The following TCF7L2 variants were observed in gnomAD, a reference collection of about 807,000 sequenced individuals.
The protein encoded by TCF7L2 is transcription factor 7 like 2.
In TCF7L2, 23 loss-of-function variants were observed where a neutral mutation model predicts 77.9. The observed-to-expected ratio is 0.30, with a 90% confidence interval of 0.21 to 0.42. The LOEUF is 0.42. Among genes scored for constraint, TCF7L2 ranks in the 10% least tolerant of loss-of-function variants. TCF7L2 has a pLI of 1.00. For synonymous variants in TCF7L2, 413 were observed against 340.2 expected, an observed-to-expected ratio of 1.21 and a Z score of -2.36; for missense variants, 654 against 793.1, an observed-to-expected ratio of 0.82 and a Z score of 2.11.
intron 5 of TCF7L2, chr10:113,126,730 C>T (rs1024057412): frequency 1.2e-4 from 119 of 985,798 alleles, no homozygotes; most frequent in Middle Eastern, 1.0e-3. Context: ...CTCCCCTGTG[C>T]CGCGGGTGCG....
At chr10:113,027,651 C>T (rs1035205742) in intron 4 of TCF7L2, among the ~76,000 whole-genome samples, 8 of 152,104 alleles carry the variant, frequency 5.3e-5, no homozygotes, top group Middle Eastern at 3.2e-3. Context: ...TTATTGTGCT[C>T]GAAATATCTC....
chr10:113,056,793 T>C (rs558700097), intron 5 of TCF7L2, among the ~76,000 whole-genome samples: 1 of 152,294 alleles, frequency 6.6e-6, no homozygotes, highest in Admixed American at 6.5e-5. Flanking sequence ...TCTGACATGA[T>C]TCATTTGCCA....
chr10:113,079,969 T>C (rs2059155087), intron 5 of TCF7L2, among the ~76,000 whole-genome samples: 1 of 152,028 alleles, frequency 6.6e-6, no homozygotes, highest in Non-Finnish European at 1.5e-5. Context: ...CATCCTTTTA[T>C]TGGTGAGAAG....
intron 4 of TCF7L2, among the ~76,000 whole-genome samples, chr10:113,015,535 C>T (rs555269505): frequency 6.4e-4 from 97 of 151,002 alleles, no homozygotes; most frequent in Admixed American, 2.9e-3. Context: ...CTGCACACAG[C>T]TCACTGCACT....
rs398014821 is a variant in TCF7L2, at chr10:113,107,752, T to TAAAAAAAAAA, written c.553-33417_553-33408dup. The stretch of plus-strand genomic sequence containing the variant: ...CTGGGCGACCGAGCGAGACTCCGTC[T>TAAAAAAAAAA]AAAAAAAAAAAAAAAAAAAAAAAAC... On this transcript the variant is annotated intron_variant, in intron 5 of 13. Coordinates refer to ENST00000627217, the MANE Select transcript of TCF7L2 (RefSeq NM_001146274.2). 8.6e-3 allele frequency among the ~76,000 whole-genome samples: 476 copies of TAAAAAAAAAA among 55,208 alleles called. 34 individuals are homozygous for TAAAAAAAAAA. The highest frequency in any genetic ancestry group is 0.013 in the Non-Finnish European group (373 of 29,298). 36.2% of individuals were successfully genotyped at this position (55,208 alleles called of 152,430 possible).
Position 113,018,444 on chromosome 10 carries a change from CTTTTTTTT to C in TCF7L2, c.451-21563_451-21556del, listed in dbSNP as rs35916053. On this transcript the variant is annotated intron_variant, in intron 4 of 13. Transcript: ENST00000627217. The stretch of plus-strand genomic sequence containing the variant: ...GTCCTTGCAGGCTTTCTCCTGAGTC[CTTTTTTTT>C]TTTTTTTTTTTTTTTTTAAAGACAG... Among the ~76,000 whole-genome samples, 34 of 92,556 alleles carry C rather than the reference CTTTTTTTT, an allele frequency of 3.7e-4. No homozygotes were observed. In the East Asian group the frequency reaches 6.1e-3, roughly 17 times the overall value. The allele number at this position is 92,556 out of a possible 152,430, so 60.7% of individuals were successfully genotyped here.
intron 5 of TCF7L2, among the ~76,000 whole-genome samples, chr10:113,084,078 G>T (rs569506760): frequency 5.3e-5 from 8 of 152,302 alleles, no homozygotes; most frequent in Admixed American, 3.3e-4. Flanking sequence ...TCTTGCTGTG[G>T]AGGAGAAAAT....
chr10:113,114,072 T>C (rs59018176), intron 5 of TCF7L2, among the ~76,000 whole-genome samples: 25 of 152,290 alleles, frequency 1.6e-4, no homozygotes, highest in African/African-American at 5.1e-4. Context: ...CTGTGAACAA[T>C]CCTGGAATTG....
Position 113,165,934 on chromosome 10 carries a change from C to G in TCF7L2, c.1771C>G (p.Pro591Ala), listed in dbSNP as rs759270464. 1.3e-6 allele frequency: 2 copies of G among 1,550,326 alleles called. No homozygotes were observed. Among genetic ancestry groups the G allele is most frequent in the African/African-American group, 2.8e-5 (2 of 72,464 alleles). ...CCACAGCTCCCTGGCCGGGACCCAG[C>G]CCCAGCCGCTGTCGCTCGTCACCAA... The change falls in exon 14 of 14, where the codon CCC becomes GCC. Residue 591 changes from proline to alanine, a missense_variant. Physicochemically the swap from Pro to Ala is conservative, Grantham distance 27. This residue lies in a region of TCF7L2 where 272 missense variants were observed against 215.4 expected (regional missense o/e 1.26). Transcript: ENST00000627217.
chr10:113,051,248 CAT>C (rs200242277), intron 5 of TCF7L2, among the ~76,000 whole-genome samples: 11,529 of 143,226 alleles, frequency 0.08, 536 homozygotes, highest in Non-Finnish European at 0.11. Flanking sequence ...CACACAGACA[CAT>C]ACATATGCAC....
chr10:113,051,224 C>CAA (rs1405051142), intron 5 of TCF7L2, among the ~76,000 whole-genome samples: 2 of 146,754 alleles, frequency 1.4e-5, no homozygotes, highest in Admixed American at 1.4e-4. Flanking sequence ...CACACACACA[C>CAA]ACACACACAC....
rs900555039 is a variant in TCF7L2 at position 112,950,660 on chromosome 10, TTTTTTGGGGGGGCAAAAC to T, written c.-86_-69del. ...TTGGACTCGTCTTTTTCTTGCAATATTTTTTGGGGGGGCAAAACTTTTTGGGGGTGATTTTTTTTGGCT... is the reference window on the plus strand; with the variant it reads ...TTGGACTCGTCTTTTTCTTGCAATATTTTTTGGGGGTGATTTTTTTTGGCT... On this transcript the variant is annotated 5_prime_UTR_variant, in exon 1 of 14. Transcript: ENST00000627217. 5 of 1,402,890 alleles carry T rather than the reference TTTTTTGGGGGGGCAAAAC, an allele frequency of 3.6e-6. No individual in the cohort carries two copies. The African/African-American group carries it at 6.0e-5, about 17-fold the overall frequency. 86.9% of individuals were successfully genotyped at this position (1,402,890 alleles called of 1,614,324 possible). A position where few individuals can be genotyped will look rare whatever the true frequency, so the allele number is the denominator to read the frequency against.
At chr10:113,049,028 G>A (rs1413193335) in intron 5 of TCF7L2, among the ~76,000 whole-genome samples, 1 of 152,228 alleles carries the variant, frequency 6.6e-6, no homozygotes, top group Non-Finnish European at 1.5e-5. Flanking sequence ...AAACTAAGGC[G>A]TGAGGGACTC....
intron 4 of TCF7L2, among the ~76,000 whole-genome samples, chr10:112,968,126 G>A (rs1336530379): frequency 6.6e-6 from 1 of 152,148 alleles, no homozygotes; most frequent in Non-Finnish European, 1.5e-5. Context: ...GAATGAGGTT[G>A]GGACACCTTT....
chr10:112,958,598 A>C (rs2034280451), intron 3 of TCF7L2, among the ~76,000 whole-genome samples: 1 of 152,190 alleles, frequency 6.6e-6, no homozygotes, highest in South Asian at 2.1e-4. Flanking sequence ...AAGAAAATGC[A>C]GAATGAATGG....
At chr10:113,006,801 C>CTG (rs2045629804) in intron 4 of TCF7L2, among the ~76,000 whole-genome samples, 1 of 152,218 alleles carries the variant, frequency 6.6e-6, no homozygotes, top group African/African-American at 2.4e-5. Flanking sequence ...TGGGGCAAAG[C>CTG]CCAGGACAGG....
At position 112,999,431 on chromosome 10, in the gene TCF7L2, A is replaced by G. The variant is rs150738053; in HGVS notation, c.450+34807A>G. Among the ~76,000 whole-genome samples the G allele has an allele frequency of 5.4e-4, 82 of 152,284 alleles. 1 individual carries two copies. In the East Asian group the frequency reaches 0.014, roughly 26 times the overall value. Reference sequence around the variant, plus strand: ...GGTTTACGAGTCCTTCTTATTATATAATAGTATCTTGTCTTAGCTTGGTGC... The same window carrying G: ...GGTTTACGAGTCCTTCTTATTATATGATAGTATCTTGTCTTAGCTTGGTGC... On this transcript the variant is annotated intron_variant, in intron 4 of 13. Coordinates refer to ENST00000627217, the MANE Select transcript of TCF7L2 (RefSeq NM_001146274.2).
chr10:113,154,096 G>T (rs1311211857), intron 11 of TCF7L2, among the ~76,000 whole-genome samples: 2 of 152,206 alleles, frequency 1.3e-5, no homozygotes, highest in Non-Finnish European at 2.9e-5. Flanking sequence ...CTTGCACGGG[G>T]TCTCCACTGC....
chr10:112,993,501 G>A (rs905381315), intron 4 of TCF7L2, among the ~76,000 whole-genome samples: 1 of 151,754 alleles, frequency 6.6e-6, no homozygotes, highest in South Asian at 2.1e-4. Flanking sequence ...GTGAGACTCT[G>A]TCTCAAAAAA....
Sources: gnomAD v4.1 joint callset for allele counts (sites outside exome capture counted in the v4.1 genomes callset) on GRCh38, gnomAD v4.1.1 for gene constraint, gnomAD v4.1.1 regional missense constraint, MANE v1.5 for transcripts, NCBI Gene and HGNC (gene_info 2026-07-23, HGNC 2026-07-21) for gene names.